IFT140: variants seen among roughly 807,000 people sequenced by gnomAD.
The protein encoded by IFT140 is intraflagellar transport 140.
In IFT140, 133 loss-of-function variants were observed where a neutral mutation model predicts 164.6. The observed-to-expected ratio is 0.81, with a 90% CI of 0.70 to 0.93. The LOEUF is 0.93. IFT140 is among the 40% of genes least tolerant of loss of function. The pLI is 0.00. For missense variants in IFT140, 2,045 were observed against 1,972.3 expected (o/e 1.04, Z -0.70); for synonymous variants, 860 against 817.3 (o/e 1.05, Z -0.89).
intron 13 of IFT140, chr16:1,577,090 A>G (rs2034317742): frequency 6.6e-6 from 1 of 152,256 alleles, no homozygotes; most frequent in East Asian, 1.9e-4. Flanking sequence ...AAGGTGAATA[A>G]CCCCAGGGGG....
At position 1,520,730 on chromosome 16, in the gene IFT140, T is replaced by C. The variant is rs538114464; in HGVS notation, c.3532A>G (p.Lys1178Glu). Residue 1178 changes from lysine (K) to glutamate (E), a missense_variant, in exon 27 of 31, where the codon AAG becomes GAG. By Grantham distance (56) the Lys-to-Glu change is moderately conservative (BLOSUM62 1). Transcript: ENST00000426508. ...TCCTCAGGCAGGTCCGAGGAGTCCT[T>C]GGCCACGGTCATCTTTTCCGCCATC... is the stretch of plus-strand genomic sequence containing the variant. ...EEMAEKMTVA[K>E]DSSDLPEESR... The C allele has an allele frequency of 6.0e-5, 96 of 1,611,740 alleles. No individual in the cohort carries two copies. In the Admixed American group the frequency reaches 1.3e-3, roughly 23 times the overall value.
intron 19 of IFT140, chr16:1,554,254 A>C: frequency 1.8e-6 from 1 of 564,518 alleles, no homozygotes; most frequent in South Asian, 1.9e-5. Flanking sequence ...AACTGTCAGA[A>C]GCATAGCTCT....
At position 1,511,019 on chromosome 16, in the gene IFT140, C is replaced by T; in HGVS notation, c.4314G>A (p.Gln1438=). 4 of 1,607,392 alleles carry T rather than the reference C, an allele frequency of 2.5e-6. No individual in the cohort carries two copies. Among genetic ancestry groups the T allele is most frequent in the Non-Finnish European group, 3.4e-6 (4 of 1,176,516 alleles). Residue 1438 remains glutamine, a synonymous_variant, in exon 31 of 31, where the codon CAG becomes CAA. Transcript: ENST00000426508. ...CGTCCTCCATGCTGTTGTGGCGGAC[C>T]TGCTCGGGGACGGTGCGTGGCAGTG... ...GLPLPRTVPE[Q]VRHNSMEDAR... is the part of the protein sequence containing the mutation.
At position 1,530,011 on chromosome 16, in the gene IFT140, T is replaced by C. The variant is rs116373286; in HGVS notation, c.2400-3215A>G. 9.4e-3 allele frequency among the ~76,000 whole-genome samples: 1,429 copies of C among 152,188 alleles called. 19 individuals are homozygous for C. The highest frequency in any genetic ancestry group is 0.033 in the African/African-American group (1,353 of 41,502). On this transcript the variant is annotated intron_variant, in intron 19 of 30. Coordinates refer to ENST00000426508, the MANE Select transcript of IFT140 (RefSeq NM_014714.4). ...TCACAGACGTCTCACTTCTCTAACA[T>C]CTGGGTGGTGGCAGCACTGGGGCCT...
intron 26 of IFT140, among the ~76,000 whole-genome samples, chr16:1,522,139 A>C (rs567422157): frequency 1.3e-5 from 2 of 152,176 alleles, no homozygotes; most frequent in Admixed American, 6.5e-5. Context: ...AGGGTGGATC[A>C]TGAGATCAGG....
intron 19 of IFT140, 123 bp from the exon 20 acceptor site, chr16:1,526,919 C>A: frequency 9.0e-7 from 1 of 1,110,696 alleles, no homozygotes; most frequent in Non-Finnish European, 1.2e-6. Context: ...TGAGGAGGGG[C>A]CTTCACCCAT....
Position 1,551,878 on chromosome 16 carries a change from A to G in IFT140, c.2399+6057T>C, listed in dbSNP as rs2281231. Among the ~76,000 whole-genome samples the G allele has an allele frequency of 0.44, 66,271 of 151,884 alleles. 15,855 individuals carry two copies. The highest frequency in any genetic ancestry group is 0.64 in the African/African-American group (26,363 of 41,416). The stretch of plus-strand genomic sequence containing the variant: ...CGAGGTTTTCCTAGAAAGCCACTGT[A>G]AATCCGAGCTGTGCACTCAGAAGCC... On this transcript the variant is annotated intron_variant, in intron 19 of 30. Transcript: ENST00000426508. The surrounding 1 kb of genome is among the most constrained non-coding windows in gnomAD (Gnocchi z 4.0).
rs431905521 is a variant in IFT140 at position 1,587,961 on chromosome 16, C to G, written c.874G>C (p.Val292Leu). Residue 292 changes from valine (V) to leucine (L), a missense_variant, in exon 8 of 31, where the codon GTG becomes CTG. Coordinates refer to ENST00000426508, the MANE Select transcript of IFT140 (RefSeq NM_014714.4). ...DIALIEGSLL[V>L]MAVGEAALRF... Reference sequence around the variant, plus strand: ...AGGGCAGCCTCCCCGACGGCCATCACGAGAAGGCTGCCTTCAATCAAAGCG... The same window carrying G: ...AGGGCAGCCTCCCCGACGGCCATCAGGAGAAGGCTGCCTTCAATCAAAGCG... The G allele has an allele frequency of 6.2e-7, 1 of 1,613,290 alleles. No homozygotes were observed. The highest frequency in any genetic ancestry group is 2.2e-5 in the East Asian group (1 of 44,878).
chr16:1,520,047 C>T lies in IFT140; in HGVS notation c.3874G>A (p.Val1292Met), dbSNP rs2141143375. 2 of 1,604,626 alleles carry T rather than the reference C, an allele frequency of 1.2e-6. No individual in the cohort carries two copies. Among genetic ancestry groups the T allele is most frequent in the Middle Eastern group, 1.7e-4 (1 of 5,996 alleles). Residue 1292 changes from valine (V) to methionine (M), a missense_variant and splice_region_variant, in exon 29 of 31, where the codon GTG becomes ATG. Transcript: ENST00000426508. The part of the protein sequence containing the change: ...LAGFYDACAQ[V>M]EIDEYQNYDK... ...TAGTTCTGGTATTCATCAATCTCCA[C>T]CTGTACAGATGAAACCCGTCAAGAC...
intron 27 of IFT140, 28 bp downstream of exon 27, chr16:1,520,573 GC>G: frequency 6.5e-7 from 1 of 1,541,970 alleles, no homozygotes; most frequent in South Asian, 1.2e-5. Flanking sequence ...CTGTGAGGTA[GC>G]CGCGGGCTGG....
intron 8 of IFT140, among the ~76,000 whole-genome samples, 184 bp from the exon 9 acceptor site, chr16:1,587,488 G>A (rs930316957): frequency 3.0e-4 from 45 of 152,242 alleles, no homozygotes; most frequent in African/African-American, 1.0e-3. Context: ...TCTAATGAAA[G>A]AAAGCCGTTG....
rs2032812286 is a variant in IFT140 at position 1,553,183 on chromosome 16, T to A, written c.2399+4752A>T. 1.0e-6 allele frequency: 1 copy of A among 985,068 alleles called. No individual in the cohort carries two copies. The highest frequency in any genetic ancestry group is 1.7e-5 in the African/African-American group (1 of 57,224). The allele number at this position is 985,068 out of a possible 1,614,324, so 61.0% of individuals were successfully genotyped here. On this transcript the variant is annotated intron_variant, in intron 19 of 30. Transcript: ENST00000426508. The surrounding 1 kb of genome is among the most constrained non-coding windows in gnomAD (Gnocchi z 4.4). ...CTGGTTACCCATCTCTTGCTCTCTG[T>A]CTCTCCTTCCCTGTGTCTCTGTCTC...
Position 1,510,718 on chromosome 16 carries a change from A to C in IFT140, c.*226T>G, listed in dbSNP as rs886051706. ...CTCCCTTCAAAGGAATGAATCCAAA[A>C]ATCTAGTGGAGCTGCCGGGCACCCA... On this transcript the variant is annotated 3_prime_UTR_variant, in exon 31 of 31. Coordinates refer to ENST00000426508, the MANE Select transcript of IFT140 (RefSeq NM_014714.4). The C allele has an allele frequency of 8.4e-6, 5 of 593,982 alleles. No individual in the cohort carries two copies. Among genetic ancestry groups the C allele is most frequent in the South Asian group, 4.0e-5 (2 of 49,984 alleles). The allele number at this position is 593,982 out of a possible 1,614,324, so 36.8% of individuals were successfully genotyped here.
At chr16:1,582,395 A>C (rs1053139251) in intron 12 of IFT140, among the ~76,000 whole-genome samples, 4 of 152,214 alleles carry the variant, frequency 2.6e-5, no homozygotes, top group Admixed American at 1.3e-4. Context: ...CCAGAAGCTG[A>C]AACGGGTTCT....
intron 2 of IFT140, among the ~76,000 whole-genome samples, chr16:1,607,583 C>T (rs1206511301): frequency 1.3e-5 from 2 of 152,360 alleles, no homozygotes; most frequent in African/African-American, 4.8e-5. Context: ...TGCAGCCTAA[C>T]TACACACGCA....
At chr16:1,602,845 C>T (rs775331413) in intron 3 of IFT140, among the ~76,000 whole-genome samples, 23 of 152,076 alleles carry the variant, frequency 1.5e-4, no homozygotes, top group Non-Finnish European at 3.1e-4. Flanking sequence ...GAGGCTAAGG[C>T]AGGAGAATTG....
In IFT140 at chr16:1,589,844, C is replaced by G. The variant is rs149199482; in HGVS notation, c.635-64G>C. On this transcript the variant is annotated intron_variant, in intron 6 of 30. Transcript: ENST00000426508. ...GGTTTATCTGCTTCCATGACCCTCA[C>G]CAGCAGCCATTTCTATCAACTTAAG... 7.1e-4 allele frequency: 994 copies of G among 1,400,990 alleles called. 4 individuals carry two copies. The African/African-American group carries it at 9.1e-3, about 13-fold the overall frequency. The allele number at this position is 1,400,990 out of a possible 1,614,324, so 86.8% of individuals were successfully genotyped here. A position where few individuals can be genotyped will look rare whatever the true frequency, so the allele number is the denominator to read the frequency against.
At chr16:1,607,359 T>G in intron 2 of IFT140, 62 bp from the exon 3 acceptor site, 1 of 1,364,770 alleles carries the variant, frequency 7.3e-7, no homozygotes, top group Non-Finnish European at 1.0e-6. Flanking sequence ...AATATGACTG[T>G]ACATGGAATG....
intron 19 of IFT140, chr16:1,554,959 T>A (rs958205241): frequency 6.2e-7 from 1 of 1,614,094 alleles, no homozygotes; most frequent in Non-Finnish European, 8.5e-7. Context: ...GTGATTGTCA[T>A]CAGCCGCTCC....
Sources: allele counts gnomAD v4.1 joint callset (sites outside exome capture counted in the v4.1 genomes callset), GRCh38; gene constraint gnomAD v4.1.1; non-coding constraint Gnocchi (gnomAD v3.1); transcripts MANE v1.5; gene names NCBI Gene and HGNC (gene_info 2026-07-23, HGNC 2026-07-21).